The following HSPA12A variants were observed in gnomAD, a reference collection of about 807,000 sequenced individuals.
HSPA12A encodes the protein heat shock 70 kDa protein 12A.
A neutral mutation model predicts 69.2 loss-of-function variants in HSPA12A; 28 were observed. That is an observed-to-expected ratio of 0.40 (90% CI 0.30 to 0.55). The LOEUF is 0.55. HSPA12A is among the 20% of genes least tolerant of loss of function. The pLI is 0.38. For missense variants in HSPA12A, 686 were observed against 900.7 expected (o/e 0.76, Z 3.05); for synonymous variants, 345 against 370.5 (o/e 0.93, Z 0.79).
chr10:116,756,294 C>T (rs1363604140), intron 2 of HSPA12A, among the ~76,000 whole-genome samples: 2 of 152,236 alleles, frequency 1.3e-5, no homozygotes, highest in Non-Finnish European at 2.9e-5. Flanking sequence ...TGATTTGGCT[C>T]CTAAATTGTG....
intron 1 of HSPA12A, among the ~76,000 whole-genome samples, chr10:116,849,050 C>T (rs905464327): frequency 6.6e-6 from 1 of 152,150 alleles, no homozygotes; most frequent in Non-Finnish European, 1.5e-5. Context: ...TGCCCTGAGC[C>T]CCTACATCCC....
intron 2 of HSPA12A, among the ~76,000 whole-genome samples, chr10:116,809,063 A>G (rs972320229): frequency 1.3e-5 from 2 of 152,120 alleles, no homozygotes; most frequent in South Asian, 2.1e-4. Context: ...GCCTGGGCAC[A>G]TGCTTCCTGG....
chr10:116,718,998 C>T (rs572811502), intron 1 of HSPA12A, among the ~76,000 whole-genome samples: 13 of 152,128 alleles, frequency 8.5e-5, no homozygotes, highest in Admixed American at 3.9e-4. Context: ...GTAGCTGTGC[C>T]GAAGTGCAGT....
chr10:116,706,437 C>G lies in HSPA12A; in HGVS notation c.126+763G>C, dbSNP rs527901150. 3.0e-4 allele frequency among the ~76,000 whole-genome samples: 46 copies of G among 152,210 alleles called. No individual in the cohort carries two copies. In the East Asian group the frequency reaches 8.7e-3, roughly 29 times the overall value. ...CCAGTTTGCCCAGGAATAAAGGAGTCCCCAGGGTGCAGGACTTGCAGTGTA... is the reference window on the plus strand; with the variant it reads ...CCAGTTTGCCCAGGAATAAAGGAGTGCCCAGGGTGCAGGACTTGCAGTGTA... On this transcript the variant is annotated intron_variant, in intron 2 of 11. Transcript: ENST00000369209.
At chr10:116,835,732 T>C (rs1033746277) in intron 1 of HSPA12A, among the ~76,000 whole-genome samples, 6 of 152,154 alleles carry the variant, frequency 3.9e-5, no homozygotes, top group African/African-American at 1.4e-4. Flanking sequence ...TGTTTACTAG[T>C]TGGAATGCAA....
chr10:116,707,386 C>A, intron 1 of HSPA12A, 101 bp from the exon 2 acceptor site: 1 of 903,054 alleles, frequency 1.1e-6, no homozygotes, highest in Non-Finnish European at 1.8e-6. Flanking sequence ...GAACTGCGGC[C>A]TCTGCAAAGC....
chr10:116,808,441 T>C (rs923860504), intron 2 of HSPA12A, among the ~76,000 whole-genome samples: 1 of 152,110 alleles, frequency 6.6e-6, no homozygotes, highest in African/African-American at 2.4e-5. Context: ...CACGACTGTT[T>C]TGCAGTGTGG....
chr10:116,753,553 C>A (rs782128141), intron 2 of HSPA12A, among the ~76,000 whole-genome samples: 1 of 152,212 alleles, frequency 6.6e-6, no homozygotes, highest in Non-Finnish European at 1.5e-5. Context: ...TCCTGCCTGT[C>A]ATAGACCTGG....
chr10:116,707,350 G>GGGCT, intron 1 of HSPA12A, 65 bp from the exon 2 acceptor site: 2 of 1,279,022 alleles, frequency 1.6e-6, no homozygotes, highest in Non-Finnish European at 2.2e-6. Flanking sequence ...GAAGAAATGA[G>GGGCT]GGCTGCATGG....
rs1169925678 is a variant in HSPA12A, at chr10:116,817,735, T to G, written c.91+17200A>C. Among the ~76,000 whole-genome samples the G allele has an allele frequency of 2.6e-5, 4 of 152,122 alleles. No individual in the cohort carries two copies. The South Asian group carries it at 8.3e-4, about 32-fold the overall frequency. ...CCTCAAGAATGTGGGTCAGTCAAGA[T>G]AATCTGCAAATATGAAGAATGTGGG... On this transcript the variant is annotated intron_variant, in intron 2 of 12. Transcript: ENST00000635765.
intron 2 of HSPA12A, among the ~76,000 whole-genome samples, chr10:116,764,814 C>A (rs1207330811): frequency 1.3e-5 from 2 of 152,066 alleles, no homozygotes; most frequent in African/African-American, 4.8e-5. Flanking sequence ...AGTAGAGATA[C>A]AATATAGCCA....
chr10:116,847,587 T>G (rs1366630961), intron 1 of HSPA12A, among the ~76,000 whole-genome samples: 1 of 152,218 alleles, frequency 6.6e-6, no homozygotes, highest in Non-Finnish European at 1.5e-5. Flanking sequence ...GTTGGTGTAC[T>G]CATTACTCAC....
At chr10:116,785,242 T>C (rs967424552) in intron 2 of HSPA12A, among the ~76,000 whole-genome samples, 1 of 147,006 alleles carries the variant, frequency 6.8e-6, no homozygotes, top group African/African-American at 2.5e-5. Context: ...AAGCCTCAGG[T>C]AGTGGGAAGG....
intron 2 of HSPA12A, among the ~76,000 whole-genome samples, chr10:116,782,639 C>A (rs1190916679): frequency 6.6e-6 from 1 of 152,130 alleles, no homozygotes; most frequent in Non-Finnish European, 1.5e-5. Flanking sequence ...GTCATAAAAA[C>A]CAAGCAAAAC....
intron 2 of HSPA12A, among the ~76,000 whole-genome samples, chr10:116,772,627 T>A (rs897829859): frequency 1.3e-5 from 2 of 152,122 alleles, no homozygotes; most frequent in Non-Finnish European, 2.9e-5. Flanking sequence ...CTATCTCTGC[T>A]CTAGGAAAGC....
At chr10:116,702,258 C>T (rs782011584) in intron 3 of HSPA12A, among the ~76,000 whole-genome samples, 11 of 152,110 alleles carry the variant, frequency 7.2e-5, no homozygotes, top group Non-Finnish European at 4.4e-5. Context: ...CAAGCTGTTC[C>T]CTGCCCAACC....
intron 1 of HSPA12A, among the ~76,000 whole-genome samples, chr10:116,838,364 T>C (rs1393682580): frequency 6.6e-6 from 1 of 152,162 alleles, no homozygotes; most frequent in Non-Finnish European, 1.5e-5. Flanking sequence ...GTCCTCTGCA[T>C]GAATGCCCAG....
chr10:116,750,704 C>T (rs1419339150), intron 2 of HSPA12A: 1 of 184,116 alleles, frequency 5.4e-6, no homozygotes, highest in Non-Finnish European at 1.1e-5. Flanking sequence ...GGCCGGGCTC[C>T]GTGGCTCACA....
rs548159699 is a variant in HSPA12A, at chr10:116,767,192, G to A, written c.92-59907C>T. Reference sequence around the variant, plus strand: ...GGCCTGGAGGAAACAGTGGCCCTGGGGAACGAGGTCCTGAAAAGAGGCAGC... The same window carrying A: ...GGCCTGGAGGAAACAGTGGCCCTGGAGAACGAGGTCCTGAAAAGAGGCAGC... On this transcript the variant is annotated intron_variant, in intron 2 of 12. Coordinates refer to the HSPA12A transcript ENST00000635765. Among the ~76,000 whole-genome samples the A allele has an allele frequency of 5.5e-4, 84 of 152,316 alleles. 2 individuals are homozygous for A. Among genetic ancestry groups the A allele is most frequent in the African/African-American group, 1.9e-3 (80 of 41,578 alleles).
Sources: allele counts gnomAD v4.1 joint callset (sites outside exome capture counted in the v4.1 genomes callset), GRCh38; gene constraint gnomAD v4.1.1; transcripts MANE v1.5; gene names NCBI Gene and HGNC (gene_info 2026-07-23, HGNC 2026-07-21).